Variants in GAS2L2 observed in about 807,000 individuals in gnomAD.
GAS2L2 encodes growth arrest specific 2 like 2.
In GAS2L2, 21 loss-of-function variants were observed where a neutral mutation model predicts 35.2. The ratio of observed to expected loss-of-function variants is 0.60; its 90% CI spans 0.42 to 0.86. The LOEUF (loss-of-function observed/expected upper bound fraction) is 0.86. GAS2L2 is among the 40% of genes least tolerant of loss of function. The probability of loss-of-function intolerance (pLI) is 0.00; values close to 1 mark genes in which losing one functional copy is unlikely to be tolerated. For synonymous variants in GAS2L2, 490 were observed against 473.2 expected (o/e 1.04, Z -0.46); for missense variants, 1,169 against 1,144.4 (o/e 1.02, Z -0.31).
rs782264684 is a variant in GAS2L2 at position 35,749,258 on chromosome 17, T to G, written c.628-41A>C. The G allele has an allele frequency of 4.9e-6, 7 of 1,419,188 alleles. No individual in the cohort carries two copies. The South Asian group carries it at 7.1e-5, about 14-fold the overall frequency. 87.9% of individuals were successfully genotyped at this position (1,419,188 alleles called of 1,614,324 possible). A position where few individuals can be genotyped will look rare whatever the true frequency, so the allele number is the denominator to read the frequency against. On this transcript the variant is annotated intron_variant, in intron 2 of 5. Coordinates refer to ENST00000604641, the MANE Select transcript of GAS2L2 (RefSeq NM_139285.4). ...GAACTCAGCCCTCTCCTTTGCCCAC[T>G]CTGGGTCAAAATGGGGGGCCTACCT... is the stretch of plus-strand genomic sequence containing the variant.
In GAS2L2 at chr17:35,752,888, C is replaced by G; in HGVS notation, c.-38G>C. 6.5e-7 allele frequency: 1 copy of G among 1,540,524 alleles called. No individual in the cohort carries two copies. The highest frequency in any genetic ancestry group is 8.7e-7 in the Non-Finnish European group (1 of 1,143,432). On this transcript the variant is annotated 5_prime_UTR_variant, in exon 1 of 6. Transcript: ENST00000604641. ...GCAGGGCAGGAGGTGGGCACCTCCCCTCTCCCACTGCCGCCTCTTTCCTCC... is the reference window on the plus strand; with the variant it reads ...GCAGGGCAGGAGGTGGGCACCTCCCGTCTCCCACTGCCGCCTCTTTCCTCC...
chr17:35,751,902 G>T (rs1378053176), intron 1 of GAS2L2, among the ~76,000 whole-genome samples: 2 of 136,208 alleles, frequency 1.5e-5, no homozygotes, highest in Non-Finnish European at 3.0e-5. Context: ...TGTCACCCAG[G>T]TTGGAGTGCA....
Position 35,745,185 on chromosome 17 carries a change from A to T in GAS2L2, c.2312T>A (p.Ile771Asn). The stretch of plus-strand genomic sequence containing the variant: ...CCTGGGTCTCAGCTTCAGCTTGTAG[A>T]TGGACGGGACCCTCTTGGGCTTCCG... Reference protein sequence around the residue: ...TLRKPKRVPSIYKLKLRPRIR... With the variant: ...TLRKPKRVPSNYKLKLRPRIR... Residue 771 changes from isoleucine to asparagine, a missense_variant, in exon 6 of 6, where the codon ATC becomes AAC. Coordinates refer to ENST00000604641, the MANE Select transcript of GAS2L2 (RefSeq NM_139285.4). 6.2e-7 allele frequency: 1 copy of T among 1,612,064 alleles called. No homozygotes were observed.
intron 4 of GAS2L2, 47 bp downstream of exon 4, chr17:35,747,801 AG>A (rs1555599224): frequency 6.8e-7 from 1 of 1,480,426 alleles, no homozygotes. Flanking sequence ...ACCCAGAGCT[AG>A]GCCTCTTCAA....
Position 35,752,473 on chromosome 17 carries a change from G to T in GAS2L2, c.378C>A (p.Gly126=), listed in dbSNP as rs2085709449. Residue 126 remains glycine (G), a synonymous_variant, in exon 1 of 6, where the codon GGC becomes GGA. Coordinates refer to ENST00000604641, the MANE Select transcript of GAS2L2 (RefSeq NM_139285.4). ...NFIQWCRKEM[G]IQEVLMFETE... is the part of the protein sequence containing the mutation. ...AGGGTGCAGCGTGGTTACCTTGGATGCCCATCTCCTTTCGACACCACTGGA... is the reference window on the plus strand; with the variant it reads ...AGGGTGCAGCGTGGTTACCTTGGATTCCCATCTCCTTTCGACACCACTGGA... 6.3e-7 allele frequency: 1 copy of T among 1,578,876 alleles called. No homozygotes were observed. Among genetic ancestry groups the T allele is most frequent in the African/African-American group, 1.3e-5 (1 of 74,354 alleles).
At chr17:35,748,101 T>C (rs587646140) in intron 3 of GAS2L2, among the ~76,000 whole-genome samples, 156 bp from the exon 4 acceptor site, 1 of 152,158 alleles carries the variant, frequency 6.6e-6, no homozygotes, top group South Asian at 2.1e-4. Context: ...AGCCCGAATC[T>C]CCTCCTCCAT....
At position 35,747,279 on chromosome 17, in the gene GAS2L2, T is replaced by A. The variant is rs79018496; in HGVS notation, c.833-11A>T. 484 of 1,598,084 alleles carry A rather than the reference T, an allele frequency of 3.0e-4. 2 individuals carry two copies. The African/African-American group carries it at 4.7e-3, about 16-fold the overall frequency. ...TGCCTGGCTTGTGTGCTACCAACAG[T>A]CCCCCGGAGAAAGGAGAGGAGAGAA... On this transcript the variant is annotated splice_polypyrimidine_tract_variant and intron_variant, in intron 4 of 5. Transcript: ENST00000604641.
chr17:35,750,357 G>C, intron 1 of GAS2L2, 39 bp from the exon 2 acceptor site: 1 of 1,613,506 alleles, frequency 6.2e-7, no homozygotes. Context: ...GAGGCAGCGT[G>C]AGCCCCCAGA....
Position 35,752,902 on chromosome 17 carries a change from C to T in GAS2L2, c.-52G>A, listed in dbSNP as rs2085713372. ...GGGCACCTCCCCTCTCCCACTGCCG[C>T]CTCTTTCCTCCCGCTGCTGCTGGGT... is the stretch of plus-strand genomic sequence containing the variant. On this transcript the variant is annotated 5_prime_UTR_variant, in exon 1 of 6. Coordinates refer to ENST00000604641, the MANE Select transcript of GAS2L2 (RefSeq NM_139285.4). 1 of 1,515,926 alleles carries T rather than the reference C, an allele frequency of 6.6e-7. No individual in the cohort carries two copies. The allele number at this position is 1,515,926 out of a possible 1,614,324, so 93.9% of individuals were successfully genotyped here.
Position 35,746,146 on chromosome 17 carries a change from A to G in GAS2L2, c.1351T>C (p.Ser451Pro). The change falls in exon 6 of 6, where the codon TCA (serine) becomes CCA (proline). Residue 451 changes from serine to proline, a missense_variant. Transcript: ENST00000604641. Reference protein sequence around the residue: ...RAIEATTKGISARGPSPLPRS... With the variant: ...RAIEATTKGIPARGPSPLPRS... ...GGCAGGGGAGATGGTCCTCTTGCTG[A>G]TATCCCTTTGGTGGTGGCCTCAATG... 2 of 1,505,802 alleles carry G rather than the reference A, an allele frequency of 1.3e-6. No homozygotes were observed. Among genetic ancestry groups the G allele is most frequent in the Non-Finnish European group, 8.9e-7 (1 of 1,127,026 alleles). 93.3% of individuals were successfully genotyped at this position (1,505,802 alleles called of 1,614,324 possible).
intron 3 of GAS2L2, 152 bp downstream of exon 3, chr17:35,748,958 T>G: frequency 1.7e-6 from 1 of 602,302 alleles, no homozygotes; most frequent in Non-Finnish European, 3.0e-6. Context: ...ACTGTCATTG[T>G]CCTCAAGCCT....
Position 35,745,918 on chromosome 17 carries a change from G to A in GAS2L2, c.1579C>T (p.Pro527Ser). Residue 527 changes from proline (P) to serine (S), a missense_variant, in exon 6 of 6, where the codon CCC becomes TCC. This residue lies in a region of GAS2L2 where 1,035 missense variants were observed against 976.5 expected (regional missense o/e 1.06). Coordinates refer to ENST00000604641, the MANE Select transcript of GAS2L2 (RefSeq NM_139285.4). ...GGGTCTCTCCCAAGTTCTGTCCTGG[G>A]ACTTCCACTTGTAGCACCAGGAAAG... ...RSFPGATSGS[P>S]RTELGRDPIP... The A allele has an allele frequency of 6.2e-7, 1 of 1,612,124 alleles. No homozygotes were observed. Among genetic ancestry groups the A allele is most frequent in the Non-Finnish European group, 8.5e-7 (1 of 1,179,216 alleles).
chr17:35,750,011 G>A, intron 2 of GAS2L2, 66 bp downstream of exon 2: 1 of 1,529,392 alleles, frequency 6.5e-7, no homozygotes, highest in South Asian at 1.2e-5. Context: ...GCTGGAGTGG[G>A]ACTGGGGAGA....
intron 1 of GAS2L2, 101 bp from the exon 2 acceptor site, chr17:35,750,419 T>G: frequency 6.7e-7 from 1 of 1,490,982 alleles, no homozygotes. Context: ...ACTGGGGTCA[T>G]CCCCGGTCTG....
At chr17:35,747,418 G>T in intron 4 of GAS2L2, 150 bp from the exon 5 acceptor site, 1 of 917,072 alleles carries the variant, frequency 1.1e-6, no homozygotes, top group Non-Finnish European at 1.6e-6. Flanking sequence ...TTCTTTACGG[G>T]AGGGGCTTAG....
intron 2 of GAS2L2, 99 bp from the exon 3 acceptor site, chr17:35,749,316 G>A: frequency 1.5e-6 from 1 of 686,148 alleles, no homozygotes. Context: ...TTTCTGCTGA[G>A]GTCAGAGCTG....
In GAS2L2 at chr17:35,745,419, T is replaced by G; in HGVS notation, c.2078A>C (p.Lys693Thr). The change falls in exon 6 of 6, where the codon AAA becomes ACA. Residue 693 changes from lysine to threonine, a missense_variant. Lys to Thr is a moderately conservative substitution (Grantham distance 78, BLOSUM62 -1). This residue lies in a region of GAS2L2 where 1,035 missense variants were observed against 976.5 expected (regional missense o/e 1.06). Coordinates refer to ENST00000604641, the MANE Select transcript of GAS2L2 (RefSeq NM_139285.4). The stretch of plus-strand genomic sequence containing the variant: ...ACTCTGTCTGGCTCCCAACTTCCCT[T>G]TGAGGCTTCCCGGTCCTGGGGTAAC... The part of the protein sequence containing the change: ...PAVTPGPGSL[K>T]GKLGARQSGP... The G allele has an allele frequency of 6.4e-7, 1 of 1,572,794 alleles. No individual in the cohort carries two copies. The highest frequency in any genetic ancestry group is 8.6e-7 in the Non-Finnish European group (1 of 1,158,714).
rs1274197822 is a variant in GAS2L2, at chr17:35,745,394, ACT to A, written c.2101_2102del (p.Ser701TrpfsTer48). ...TCAGGCTTGCCTTTGTCCTGGGCCC[ACT>A]CTGTCTGGCTCCCAACTTCCCTTTG... ...SLKGKLGARQSGPRTKASLSA... is the reference protein window; with the variant it reads ...SLKGKLGARQXGPRTKASLSA... On this transcript the variant is annotated frameshift_variant, in exon 6 of 6. Transcript: ENST00000604641. LOFTEE classifies it low-confidence loss of function (END_TRUNC). The A allele has an allele frequency of 6.3e-7, 1 of 1,579,216 alleles. No homozygotes were observed. Among genetic ancestry groups the A allele is most frequent in the African/African-American group, 1.4e-5 (1 of 73,792 alleles).
rs74975723 is a variant in GAS2L2, at chr17:35,752,952, G to A, written c.-102C>T. On this transcript the variant is annotated 5_prime_UTR_variant, in exon 1 of 6. Coordinates refer to ENST00000604641, the MANE Select transcript of GAS2L2 (RefSeq NM_139285.4). ...TCTCGGCTGGGTTCTTCCTGATTCTGAGGTTCCCGTGTACTCGCTGAGAGC... is the reference window on the plus strand; with the variant it reads ...TCTCGGCTGGGTTCTTCCTGATTCTAAGGTTCCCGTGTACTCGCTGAGAGC... The A allele has an allele frequency of 4.2e-3, 5,437 of 1,306,624 alleles. 175 individuals are homozygous for A. In the African/African-American group the frequency reaches 0.073, roughly 17 times the overall value. 80.9% of individuals were successfully genotyped at this position (1,306,624 alleles called of 1,614,324 possible). A position where few individuals can be genotyped will look rare whatever the true frequency, so the allele number is the denominator to read the frequency against.
Sources: gnomAD v4.1 joint callset for allele counts (sites outside exome capture counted in the v4.1 genomes callset) on GRCh38, gnomAD v4.1.1 for gene constraint, gnomAD v4.1.1 regional missense constraint, MANE v1.5 for transcripts, NCBI Gene and HGNC (gene_info 2026-07-23, HGNC 2026-07-21) for gene names.